The following IKZF1 variants were observed in gnomAD, a reference collection of about 807,000 sequenced individuals.
IKZF1 encodes IKAROS family zinc finger 1.
Under a neutral mutation model 51.7 loss-of-function variants are expected in IKZF1, and 10 were observed. The ratio of observed to expected loss-of-function variants is 0.19; its 90% CI spans 0.12 to 0.33. The LOEUF is 0.33. Ranked by LOEUF, IKZF1 falls within the 10% of genes least tolerant of loss-of-function variation. The pLI, the probability that IKZF1 is intolerant of heterozygous loss-of-function variation, is 1.00. For synonymous variants in IKZF1, 280 were observed against 282.3 expected, an observed-to-expected ratio of 0.99 and a Z score of 0.08; for missense variants, 484 against 707.5, an observed-to-expected ratio of 0.68 and a Z score of 3.58.
At chr7:50,379,176 C>T (rs1811135159) in intron 4 of IKZF1, among the ~76,000 whole-genome samples, 1 of 152,224 alleles carries the variant, frequency 6.6e-6, no homozygotes, top group Non-Finnish European at 1.5e-5. Flanking sequence ...ACAGAGCCGC[C>T]TCAGGCAGCA....
intron 3 of IKZF1, among the ~76,000 whole-genome samples, chr7:50,339,397 C>T (rs905811821): frequency 6.6e-6 from 1 of 152,090 alleles, no homozygotes; most frequent in East Asian, 1.9e-4. Context: ...CAACTAGACT[C>T]TCCATATTCT....
At chr7:50,365,065 A>C (rs1238723069) in intron 3 of IKZF1, among the ~76,000 whole-genome samples, 1 of 152,208 alleles carries the variant, frequency 6.6e-6, no homozygotes, top group African/African-American at 2.4e-5. Flanking sequence ...AGTACCTTAC[A>C]CATCTTCCAG....
intron 2 of IKZF1, among the ~76,000 whole-genome samples, chr7:50,326,200 A>G (rs1232136486): frequency 1.3e-5 from 2 of 152,232 alleles, no homozygotes; most frequent in Non-Finnish European, 2.9e-5. Context: ...GTTTATTCAA[A>G]CAAACAAGGA....
intron 3 of IKZF1, among the ~76,000 whole-genome samples, chr7:50,349,530 G>T (rs1801289258): frequency 6.6e-6 from 1 of 152,182 alleles, no homozygotes; most frequent in South Asian, 2.1e-4. Context: ...GGAAGAGCAG[G>T]TTTAGCCATG....
At chr7:50,367,834 A>G in intron 3 of IKZF1, 1 of 591,282 alleles carries the variant, frequency 1.7e-6, no homozygotes, top group Non-Finnish European at 3.0e-6. Flanking sequence ...TTCATGAGTA[A>G]TTACTTTTCT....
rs75168275 is a variant in IKZF1, at chr7:50,402,081, C to G, written c.*1454C>G. ...CCATCCGTGCTATGACATGGAGGCA[C>G]TGAAGCCCGAGGAAGGTGTGTGGAG... is the stretch of plus-strand genomic sequence containing the variant. On this transcript the variant is annotated 3_prime_UTR_variant, in exon 8 of 8. Coordinates refer to ENST00000331340, the MANE Select transcript of IKZF1 (RefSeq NM_006060.6). 3.0e-5 allele frequency: 7 copies of G among 230,758 alleles called. No homozygotes were observed. Among genetic ancestry groups the G allele is most frequent in the African/African-American group, 1.3e-4 (6 of 45,160 alleles). The allele number at this position is 230,758 out of a possible 1,614,324, so 14.3% of individuals were successfully genotyped here.
At chr7:50,307,457 C>T (rs1461712793) in intron 1 of IKZF1, among the ~76,000 whole-genome samples, 1 of 152,212 alleles carries the variant, frequency 6.6e-6, no homozygotes, top group Admixed American at 6.5e-5. Flanking sequence ...GACAAGCACT[C>T]TGGGGGCACT....
chr7:50,377,963 A>T (rs970326289), intron 4 of IKZF1, among the ~76,000 whole-genome samples: 2 of 152,254 alleles, frequency 1.3e-5, no homozygotes, highest in Non-Finnish European at 2.9e-5. Flanking sequence ...GGCCTAGCAG[A>T]TTCTATAAGA....
Position 50,383,872 on chromosome 7 carries a change from A to G in IKZF1, c.589+1165A>G, listed in dbSNP as rs557145423. On this transcript the variant is annotated intron_variant, in intron 5 of 7. Coordinates refer to ENST00000331340, the MANE Select transcript of IKZF1 (RefSeq NM_006060.6). The stretch of plus-strand genomic sequence containing the variant: ...CCCAGGCCATCTCTTCCCAAATGTG[A>G]TGCGTGTATTTGATGGTTGAGGGTT... 7.9e-5 allele frequency among the ~76,000 whole-genome samples: 12 copies of G among 152,318 alleles called. No individual in the cohort carries two copies. In the South Asian group the frequency reaches 1.7e-3, roughly 21 times the overall value.
chr7:50,324,909 A>T (rs958109793), intron 2 of IKZF1, among the ~76,000 whole-genome samples: 3 of 152,168 alleles, frequency 2.0e-5, no homozygotes, highest in Non-Finnish European at 1.5e-5. Context: ...GTCTCAGAGC[A>T]TCCTGCAGTG....
At chr7:50,356,200 T>C (rs1248306337) in intron 3 of IKZF1, among the ~76,000 whole-genome samples, 1 of 152,268 alleles carries the variant, frequency 6.6e-6, no homozygotes, top group Admixed American at 6.5e-5. Context: ...TTGATTATAA[T>C]GTAAGGAAGT....
At chr7:50,380,285 G>A (rs1811486345) in intron 4 of IKZF1, among the ~76,000 whole-genome samples, 1 of 152,228 alleles carries the variant, frequency 6.6e-6, no homozygotes, top group South Asian at 2.1e-4. Flanking sequence ...AAATTTGTTT[G>A]CAGGCAGGTA....
chr7:50,314,361 C>T lies in IKZF1; in HGVS notation c.-14-4687C>T, dbSNP rs568427907. Among the ~76,000 whole-genome samples the T allele has an allele frequency of 1.7e-3, 259 of 152,312 alleles. 1 individual carries two copies. Among genetic ancestry groups the T allele is most frequent in the Non-Finnish European group, 2.8e-3 (192 of 68,010 alleles). On this transcript the variant is annotated intron_variant, in intron 1 of 7. Transcript: ENST00000331340. ...TCCTGACCTCATGATCCGCCTGCCT[C>T]GGCCTCCCAAAGTGCTGGGATTACT...
At chr7:50,347,605 G>C (rs1800706001) in intron 3 of IKZF1, among the ~76,000 whole-genome samples, 1 of 152,180 alleles carries the variant, frequency 6.6e-6, no homozygotes, top group Admixed American at 6.5e-5. Context: ...TTTATCCATT[G>C]ACACTAGTCT....
chr7:50,303,461 T>C (rs1788061479), upstream of IKZF1, among the ~76,000 whole-genome samples: 1 of 152,154 alleles, frequency 6.6e-6, no homozygotes, highest in Non-Finnish European at 1.5e-5. This position sits in a 1 kb window ranked among gnomAD's most constrained non-coding sequence, Gnocchi z 4.7. Flanking sequence ...CCGCACGCAC[T>C]TGTGTGTGCA....
In IKZF1 at chr7:50,359,000, G is replaced by A. The variant is rs563638407; in HGVS notation, c.161-17533G>A. On this transcript the variant is annotated intron_variant, in intron 3 of 7. Transcript: ENST00000331340. ...TATGGCCAAGTGCGGTAGCTCACAC[G>A]TGTAATCCCAGCACTTTGAGAGACT... 1.2e-3 allele frequency among the ~76,000 whole-genome samples: 179 copies of A among 152,242 alleles called. 1 individual carries two copies. The highest frequency in any genetic ancestry group is 3.6e-3 in the African/African-American group (148 of 41,558).
In IKZF1 at chr7:50,369,766, CT is replaced by C. The variant is rs752303049; in HGVS notation, c.161-6759del. 70 of 393,048 alleles carry C rather than the reference CT, an allele frequency of 1.8e-4. 1 individual carries two copies. Among genetic ancestry groups the C allele is most frequent in the Middle Eastern group, 6.4e-4 (1 of 1,552 alleles). The allele number at this position is 393,048 out of a possible 1,614,324, so 24.3% of individuals were successfully genotyped here. A position where few individuals can be genotyped will look rare whatever the true frequency, so the allele number is the denominator to read the frequency against. On this transcript the variant is annotated intron_variant, in intron 3 of 7. Transcript: ENST00000331340. Reference sequence around the variant, plus strand: ...TGGAGGAAAGAAAATGCCTATTGCTCTTTTTTTTATTCTCTTTATCTGTTTA... The same window carrying C: ...TGGAGGAAAGAAAATGCCTATTGCTCTTTTTTTATTCTCTTTATCTGTTTA...
chr7:50,376,470 G>A lies in IKZF1; in HGVS notation c.161-63G>A, dbSNP rs139714456. On this transcript the variant is annotated intron_variant, in intron 3 of 7. Transcript: ENST00000331340. This position sits in a 1 kb window ranked among gnomAD's most constrained non-coding sequence, Gnocchi z 4.5. ...TATTTGATTGTCTTTTTGCTGCTGT[G>A]TTGTTTTGTTGAGTTTTTTTTTTGC... The A allele has an allele frequency of 8.9e-5, 141 of 1,586,688 alleles. 1 individual carries two copies. The East Asian group carries it at 2.5e-3, about 28-fold the overall frequency.
At chr7:50,337,787 C>T (rs1263164704) in intron 3 of IKZF1, among the ~76,000 whole-genome samples, 7 of 152,040 alleles carry the variant, frequency 4.6e-5, no homozygotes, top group East Asian at 3.8e-4. Flanking sequence ...TCAGTGGGCA[C>T]GATGATATTT....
Sources: allele counts gnomAD v4.1 joint callset (sites outside exome capture counted in the v4.1 genomes callset), GRCh38; gene constraint gnomAD v4.1.1; non-coding constraint Gnocchi (gnomAD v3.1); transcripts MANE v1.5; gene names NCBI Gene and HGNC (gene_info 2026-07-23, HGNC 2026-07-21).